Variants in ERBB4 observed in about 807,000 individuals in gnomAD.
The protein encoded by ERBB4 is receptor tyrosine-protein kinase erbB-4.
A neutral mutation model predicts 158.0 loss-of-function variants in ERBB4; 42 were observed. The observed-to-expected ratio is 0.27, with a 90% confidence interval of 0.21 to 0.34. The LOEUF (loss-of-function observed/expected upper bound fraction) is 0.34. Among genes scored for constraint, ERBB4 ranks in the 10% least tolerant of loss-of-function variants. The pLI, the probability that ERBB4 is intolerant of heterozygous loss-of-function variation, is 1.00. For missense variants in ERBB4, 1,333 were observed against 1,624.1 expected, an observed-to-expected ratio of 0.82 and a Z score of 3.08; for synonymous variants, 583 against 558.7, an observed-to-expected ratio of 1.04 and a Z score of -0.61.
At chr2:212,137,511 T>C (rs2080311255) in intron 1 of ERBB4, among the ~76,000 whole-genome samples, 1 of 152,204 alleles carries the variant, frequency 6.6e-6, no homozygotes, top group Non-Finnish European at 1.5e-5. Context: ...ATAATCTTGT[T>C]CTTTTTTGTA....
chr2:212,123,227 C>T (rs2079812422), intron 2 of ERBB4, among the ~76,000 whole-genome samples: 1 of 152,016 alleles, frequency 6.6e-6, no homozygotes, highest in Non-Finnish European at 1.5e-5. Flanking sequence ...CACAGTGAAA[C>T]TCCTGTCTCC....
At chr2:212,014,599 G>C (rs2076465075) in intron 2 of ERBB4, among the ~76,000 whole-genome samples, 2 of 151,888 alleles carry the variant, frequency 1.3e-5, no homozygotes, top group Non-Finnish European at 2.9e-5. Context: ...ATCAAATCTG[G>C]GCATTTATTT....
At chr2:212,220,594 T>C (rs1299851449) in intron 1 of ERBB4, among the ~76,000 whole-genome samples, 4 of 151,356 alleles carry the variant, frequency 2.6e-5, no homozygotes. Flanking sequence ...CTAGTTCCCA[T>C]CTTGTTTGAG....
chr2:211,747,002 T>C (rs1421739891), intron 5 of ERBB4, among the ~76,000 whole-genome samples: 1 of 152,170 alleles, frequency 6.6e-6, no homozygotes, highest in Non-Finnish European at 1.5e-5. Context: ...GGCTGCTTTA[T>C]TCTTTAGTGA....
intron 1 of ERBB4, among the ~76,000 whole-genome samples, chr2:212,336,117 G>A (rs1224861391): frequency 6.6e-6 from 1 of 151,806 alleles, no homozygotes; most frequent in Non-Finnish European, 1.5e-5. Context: ...ATGTTCCACA[G>A]GAAAAAAAAT....
At chr2:212,159,207 A>T (rs1199416654) in intron 1 of ERBB4, among the ~76,000 whole-genome samples, 1 of 151,694 alleles carries the variant, frequency 6.6e-6, no homozygotes, top group African/African-American at 2.4e-5. Context: ...ATCCTCAGAA[A>T]CTGTGAGATC....
chr2:212,149,154 TTAAAA>T (rs1157796646), intron 1 of ERBB4, among the ~76,000 whole-genome samples: 8 of 131,364 alleles, frequency 6.1e-5, no homozygotes, highest in South Asian at 2.5e-4. Flanking sequence ...ACCCTAAAAC[TTAAAA>T]TATAATAATT....
chr2:212,316,299 G>A (rs1023889196), intron 1 of ERBB4, among the ~76,000 whole-genome samples: 4 of 151,356 alleles, frequency 2.6e-5, no homozygotes, highest in Non-Finnish European at 4.4e-5. Flanking sequence ...CACTGCAAGG[G>A]TGCCCTTTTG....
chr2:211,960,800 T>C (rs2081161845), intron 2 of ERBB4: 1 of 152,010 alleles, frequency 6.6e-6, no homozygotes, highest in Non-Finnish European at 1.5e-5. Context: ...CTTAATCATC[T>C]CCCAAAGGCC....
chr2:211,758,232 A>G (rs1338512969), intron 4 of ERBB4, among the ~76,000 whole-genome samples: 2 of 152,208 alleles, frequency 1.3e-5, no homozygotes, highest in African/African-American at 2.4e-5. Flanking sequence ...AATGCTGTCT[A>G]TGATATTACT....
chr2:212,502,176 T>A, intron 1 of ERBB4, among the ~76,000 whole-genome samples: 1 of 152,096 alleles, frequency 6.6e-6, no homozygotes, highest in East Asian at 1.9e-4. Context: ...AACTATATAA[T>A]GAGCTATAGC....
rs140541082 is a variant in ERBB4 at position 212,341,811 on chromosome 2, C to A, written c.82+196638G>T. Among the ~76,000 whole-genome samples the A allele has an allele frequency of 4.9e-4, 74 of 152,160 alleles. No individual in the cohort carries two copies. In the East Asian group the frequency reaches 0.014, roughly 28 times the overall value. On this transcript the variant is annotated intron_variant, in intron 1 of 27. Transcript: ENST00000342788. ...GAGTTTACCTTGGGCTTCAAAGGAC[C>A]AACATAGAGCTAATTGCAAGGGAAC...
At chr2:212,392,327 G>A (rs1299307741) in intron 1 of ERBB4, among the ~76,000 whole-genome samples, 1 of 151,890 alleles carries the variant, frequency 6.6e-6, no homozygotes, top group Non-Finnish European at 1.5e-5. Flanking sequence ...TTAAAAAAAT[G>A]AGTCAGGAAA....
intron 1 of ERBB4, among the ~76,000 whole-genome samples, chr2:212,129,629 T>G (rs1329829520): frequency 6.6e-6 from 1 of 151,876 alleles, no homozygotes; most frequent in Non-Finnish European, 1.5e-5. Flanking sequence ...AAAATGGCCC[T>G]CAACTAAAAA....
intron 5 of ERBB4, among the ~76,000 whole-genome samples, chr2:211,733,450 A>G (rs2074494977): frequency 6.8e-6 from 1 of 147,552 alleles, no homozygotes; most frequent in South Asian, 2.1e-4. Flanking sequence ...GCGTAAGAAT[A>G]CCATAGTATT....
chr2:211,722,649 A>G (rs1575051488), intron 6 of ERBB4, 115 bp from the exon 7 acceptor site: 8 of 1,122,116 alleles, frequency 7.1e-6, no homozygotes, highest in Non-Finnish European at 1.0e-5. Flanking sequence ...ATATTACAAA[A>G]TTTGATAATT....
intron 20 of ERBB4, among the ~76,000 whole-genome samples, chr2:211,545,359 C>A (rs1461257248): frequency 6.6e-6 from 1 of 151,880 alleles, no homozygotes; most frequent in Admixed American, 6.6e-5. Flanking sequence ...TCCATATTGG[C>A]TAGATTTTTA....
chr2:211,762,452 C>G (rs2075438919), intron 4 of ERBB4, among the ~76,000 whole-genome samples: 1 of 152,150 alleles, frequency 6.6e-6, no homozygotes, highest in African/African-American at 2.4e-5. Flanking sequence ...AGAGTTCAGG[C>G]TGGTGCACGT....
intron 1 of ERBB4, among the ~76,000 whole-genome samples, chr2:212,515,863 A>T (rs979551689): frequency 6.6e-6 from 1 of 152,084 alleles, no homozygotes; most frequent in Non-Finnish European, 1.5e-5. Context: ...TTACCTGTAA[A>T]GATGTAACTC....
Sources: allele counts gnomAD v4.1 joint callset (sites outside exome capture counted in the v4.1 genomes callset), GRCh38; gene constraint gnomAD v4.1.1; transcripts MANE v1.5; gene names NCBI Gene and HGNC (gene_info 2026-07-23, HGNC 2026-07-21).